Variants in ZNF76 observed in about 807,000 individuals in gnomAD.
ZNF76 encodes zinc finger protein 523.
A neutral mutation model predicts 66.9 loss-of-function variants in ZNF76; 66 were observed. The ratio of observed to expected loss-of-function variants is 0.99; its 90% CI spans 0.81 to 1.21. ZNF76 has a LOEUF of 1.21. Ranked by LOEUF, ZNF76 falls within the 50% of genes most tolerant of loss-of-function variation. ZNF76 has a pLI of 0.00. For missense variants in ZNF76, 729 were observed against 760.3 expected, an observed-to-expected ratio of 0.96 and a Z score of 0.48; for synonymous variants, 275 against 296.1, an observed-to-expected ratio of 0.93 and a Z score of 0.73.
chr6:35,288,942 T>C (rs9469979), intron 5 of ZNF76, among the ~76,000 whole-genome samples: 114,676 of 144,500 alleles, frequency 0.79, 45,854 homozygotes, highest in Non-Finnish European at 0.85. Flanking sequence ...CAGAGGGAGA[T>C]CCTATCTAAA....
At chr6:35,266,030 G>C (rs2150338512) in intron 1 of ZNF76, among the ~76,000 whole-genome samples, 1 of 152,322 alleles carries the variant, frequency 6.6e-6, no homozygotes, top group Admixed American at 6.5e-5. Flanking sequence ...TTGGTGGCTT[G>C]AACCCAAGGT....
At position 35,292,074 on chromosome 6, in the gene ZNF76, T is replaced by C; in HGVS notation, c.931+337T>C. ...ATGATGGGGAAGAAGCAGAGTGAAC[T>C]GTCACCTTCAACTCCTCACCTTATC... On this transcript the variant is annotated intron_variant, in intron 9 of 13. Transcript: ENST00000373953. The surrounding 1 kb of genome is among the most constrained non-coding windows in gnomAD (Gnocchi z 4.7). The C allele has an allele frequency of 2.2e-6, 1 of 454,624 alleles. No homozygotes were observed. The highest frequency in any genetic ancestry group is 4.1e-6 in the Non-Finnish European group (1 of 245,564). 28.2% of individuals were successfully genotyped at this position (454,624 alleles called of 1,614,324 possible). A position where few individuals can be genotyped will look rare whatever the true frequency, so the allele number is the denominator to read the frequency against.
chr6:35,266,869 C>T (rs538380637), intron 1 of ZNF76, among the ~76,000 whole-genome samples: 9 of 133,436 alleles, frequency 6.7e-5, no homozygotes, highest in Non-Finnish European at 1.1e-4. Context: ...GGCGCCATCT[C>T]GGCTCACTGC....
intron 2 of ZNF76, among the ~76,000 whole-genome samples, chr6:35,284,477 C>T (rs561727966): frequency 5.3e-5 from 8 of 151,974 alleles, no homozygotes; most frequent in African/African-American, 1.7e-4. Flanking sequence ...CAGCTCACTG[C>T]AACCTCCGCC....
chr6:35,286,212 A>G lies in ZNF76; in HGVS notation c.154+4A>G. On this transcript the variant is annotated splice_donor_region_variant and intron_variant, in intron 3 of 13. Coordinates refer to ENST00000373953, the MANE Select transcript of ZNF76 (RefSeq NM_003427.5). ...CACCAGGTGACGGTACAGAAAGGTGAGGGCACCCCAACACACCATGCCTTG... is the reference window on the plus strand; with the variant it reads ...CACCAGGTGACGGTACAGAAAGGTGGGGGCACCCCAACACACCATGCCTTG... 6.2e-7 allele frequency: 1 copy of G among 1,614,152 alleles called. No individual in the cohort carries two copies. The highest frequency in any genetic ancestry group is 1.1e-5 in the South Asian group (1 of 91,076).
chr6:35,290,901 G>A, intron 7 of ZNF76, 185 bp downstream of exon 7: 2 of 634,674 alleles, frequency 3.2e-6, no homozygotes, highest in Non-Finnish European at 5.5e-6. Context: ...CATGGTTCAG[G>A]CCAGCAGAAG....
Position 35,259,961 on chromosome 6 carries a change from C to A in ZNF76, c.-97+120C>A, listed in dbSNP as rs899676837. 21 of 152,208 alleles carry A rather than the reference C, an allele frequency of 1.4e-4. No individual in the cohort carries two copies. The East Asian group carries it at 4.1e-3, about 30-fold the overall frequency. The allele number at this position is 152,208 out of a possible 1,614,324, so 9.4% of individuals were successfully genotyped here. A position where few individuals can be genotyped will look rare whatever the true frequency, so the allele number is the denominator to read the frequency against. On this transcript the variant is annotated intron_variant, in intron 1 of 13. Coordinates refer to ENST00000373953, the MANE Select transcript of ZNF76 (RefSeq NM_003427.5). ...CCTCCCTCCGGCCCTAGCAGGGCGG[C>A]CTGGCCGCTGGACCGCGGCCGGGCC...
At chr6:35,263,072 G>A (rs1232132630) in intron 1 of ZNF76, among the ~76,000 whole-genome samples, 1 of 152,174 alleles carries the variant, frequency 6.6e-6, no homozygotes, top group African/African-American at 2.4e-5. Context: ...CCAGGGCCAT[G>A]CGTATGCCCC....
intron 2 of ZNF76, 88 bp from the exon 3 acceptor site, chr6:35,286,040 C>T (rs1789513734): frequency 7.9e-7 from 1 of 1,261,882 alleles, no homozygotes; most frequent in Admixed American, 1.7e-5. Context: ...TGCCTAGAGA[C>T]TCAAATAAGC....
chr6:35,272,744 T>G (rs1787289333), intron 1 of ZNF76, among the ~76,000 whole-genome samples: 1 of 152,182 alleles, frequency 6.6e-6, no homozygotes, highest in African/African-American at 2.4e-5. Flanking sequence ...GCTTGAATGT[T>G]CCTCCCACTT....
rs11439435 is a variant in ZNF76 at position 35,276,963 on chromosome 6, A to ATTT, written c.-96-4080_-96-4078dup. 4.2e-5 allele frequency among the ~76,000 whole-genome samples: 6 copies of ATTT among 141,296 alleles called. No homozygotes were observed. The East Asian group carries it at 8.3e-4, about 19-fold the overall frequency. 92.7% of individuals were successfully genotyped at this position (141,296 alleles called of 152,430 possible). A position where few individuals can be genotyped will look rare whatever the true frequency, so the allele number is the denominator to read the frequency against. On this transcript the variant is annotated intron_variant, in intron 1 of 13. Transcript: ENST00000373953. Reference sequence around the variant, plus strand: ...GCTACCACACCTGGCTAATTTTTGTATTTTTTTTTTTTTTTAGCAGAGGCG... The same window carrying ATTT: ...GCTACCACACCTGGCTAATTTTTGTATTTTTTTTTTTTTTTTTTAGCAGAGGCG...
intron 1 of ZNF76, among the ~76,000 whole-genome samples, chr6:35,272,437 T>C (rs1013982103): frequency 6.6e-5 from 10 of 151,832 alleles, no homozygotes; most frequent in Non-Finnish European, 1.3e-4. Context: ...CCGTTGCACT[T>C]GTAGTGTGGG....
intron 1 of ZNF76, among the ~76,000 whole-genome samples, chr6:35,265,015 G>GTA (rs774068351): frequency 3.3e-5 from 5 of 152,174 alleles, no homozygotes; most frequent in African/African-American, 4.8e-5. Flanking sequence ...GATCCTAAAG[G>GTA]TATATATATT....
chr6:35,291,307 C>T lies in ZNF76; in HGVS notation c.655C>T (p.His219Tyr). ...TGGACTGAAGAGCCACGTTCGTACC[C>T]ACACTGGTGAGAAACCATACAAGTG... ...GYGLKSHVRTHTGEKPYKCPE... is the reference protein window; with the variant it reads ...GYGLKSHVRTYTGEKPYKCPE... The change falls in exon 8 of 14, where the codon CAC becomes TAC. Residue 219 changes from histidine (H) to tyrosine (Y), a missense_variant. His to Tyr is a moderately conservative substitution (Grantham distance 83, BLOSUM62 2). Transcript: ENST00000373953. The T allele has an allele frequency of 6.2e-7, 1 of 1,613,428 alleles. No individual in the cohort carries two copies. Among genetic ancestry groups the T allele is most frequent in the African/African-American group, 1.3e-5 (1 of 75,012 alleles).
chr6:35,260,148 T>C (rs1785000560), intron 1 of ZNF76, among the ~76,000 whole-genome samples: 1 of 151,384 alleles, frequency 6.6e-6, no homozygotes, highest in African/African-American at 2.4e-5. Context: ...TTATTATTCA[T>C]TGGCTGCTAA....
chr6:35,284,022 G>A (rs775735249), intron 2 of ZNF76, among the ~76,000 whole-genome samples: 3 of 152,150 alleles, frequency 2.0e-5, no homozygotes, highest in East Asian at 1.9e-4. Flanking sequence ...CCACCTGAGC[G>A]CTCAGTTTCC....
At position 35,291,281 on chromosome 6, in the gene ZNF76, A is replaced by G. The variant is rs1432404983; in HGVS notation, c.629A>G (p.Tyr210Cys). The G allele has an allele frequency of 3.1e-6, 5 of 1,608,236 alleles. No individual in the cohort carries two copies. Among genetic ancestry groups the G allele is most frequent in the Non-Finnish European group, 4.2e-6 (5 of 1,177,216 alleles). Residue 210 changes from tyrosine to cysteine, a missense_variant, in exon 8 of 14, where the codon TAT (tyrosine) becomes TGT (cysteine). Tyr to Cys is a radical substitution (Grantham distance 194). Transcript: ENST00000373953. Reference protein sequence around the residue: ...PSCGKAFATGYGLKSHVRTHT... With the variant: ...PSCGKAFATGCGLKSHVRTHT... ...CCTGCCTGCCACATATGGACAGGCT[A>G]TGGACTGAAGAGCCACGTTCGTACC... is the stretch of plus-strand genomic sequence containing the variant.
chr6:35,285,723 G>T (rs1485485572), intron 2 of ZNF76, among the ~76,000 whole-genome samples: 1 of 152,216 alleles, frequency 6.6e-6, no homozygotes, highest in Non-Finnish European at 1.5e-5. Flanking sequence ...GGGATGAGGG[G>T]ATATGTTTTG....
At position 35,262,213 on chromosome 6, in the gene ZNF76, A is replaced by C. The variant is rs537767963; in HGVS notation, c.-97+2372A>C. On this transcript the variant is annotated intron_variant, in intron 1 of 13. Transcript: ENST00000373953. ...TCTCTGTGTCCCTGTGTCTTCACAGATAAGGGTGCTTCTTTCCTCTGAGTA... is the reference window on the plus strand; with the variant it reads ...TCTCTGTGTCCCTGTGTCTTCACAGCTAAGGGTGCTTCTTTCCTCTGAGTA... 9.8e-4 allele frequency among the ~76,000 whole-genome samples: 149 copies of C among 151,994 alleles called. 2 individuals carry two copies. Among genetic ancestry groups the C allele is most frequent in the African/African-American group, 3.5e-3 (144 of 41,478 alleles).
Sources: allele counts gnomAD v4.1 joint callset (sites outside exome capture counted in the v4.1 genomes callset), GRCh38; gene constraint gnomAD v4.1.1; non-coding constraint Gnocchi (gnomAD v3.1); transcripts MANE v1.5; gene names NCBI Gene and HGNC (gene_info 2026-07-23, HGNC 2026-07-21).